STX7: variants seen among roughly 807,000 people sequenced by gnomAD.
STX7 encodes the protein syntaxin 7.
In STX7, 34 loss-of-function variants were observed where a neutral mutation model predicts 39.6. That is an observed-to-expected ratio of 0.86 (90% confidence interval 0.65 to 1.14). The LOEUF (loss-of-function observed/expected upper bound fraction) is 1.14, where lower values mean the gene tolerates loss of function less well. Ranked by LOEUF, STX7 falls within the 50% of genes most tolerant of loss-of-function variation. STX7 has a pLI of 0.00. For missense variants in STX7, 284 were observed against 310.4 expected, an observed-to-expected ratio of 0.92 and a Z score of 0.64; for synonymous variants, 119 against 99.1, an observed-to-expected ratio of 1.20 and a Z score of -1.19.
At position 132,484,333 on chromosome 6, in the gene STX7, C is replaced by T. The variant is rs372848462; in HGVS notation, c.86-8671G>A. Among the ~76,000 whole-genome samples, 15 of 152,258 alleles carry T rather than the reference C, an allele frequency of 9.9e-5. No homozygotes were observed. In the East Asian group the frequency reaches 2.1e-3, roughly 22 times the overall value. On this transcript the variant is annotated intron_variant, in intron 2 of 9. Transcript: ENST00000367941. ...AGCAATGAAGATCCATTCTGTTCCA[C>T]GTGGGTCTGCTGCCATCTAGTGGAT...
Position 132,460,016 on chromosome 6 carries a change from T to C in STX7, c.*742A>G, listed in dbSNP as rs1247798539. The C allele has an allele frequency of 6.6e-6, 1 of 152,202 alleles. No individual in the cohort carries two copies. The highest frequency in any genetic ancestry group is 2.4e-5 in the African/African-American group (1 of 41,456). 9.4% of individuals were successfully genotyped at this position (152,202 alleles called of 1,614,324 possible). A position where few individuals can be genotyped will look rare whatever the true frequency, so the allele number is the denominator to read the frequency against. On this transcript the variant is annotated 3_prime_UTR_variant, in exon 10 of 10. Transcript: ENST00000367941. ...AAACGCAATAGGTATTGGTATTGGT[T>C]GTTCATACTCTTCTTCCAAATTATG...
chr6:132,504,966 G>A (rs1775660889), intron 1 of STX7, among the ~76,000 whole-genome samples: 1 of 152,230 alleles, frequency 6.6e-6, no homozygotes, highest in South Asian at 2.1e-4. Context: ...AAAAGGAAGG[G>A]AAGGTTCCTG....
intron 2 of STX7, among the ~76,000 whole-genome samples, chr6:132,503,056 T>C (rs1775616206): frequency 6.6e-6 from 1 of 152,208 alleles, no homozygotes; most frequent in Non-Finnish European, 1.5e-5. Context: ...AGTCAGATTT[T>C]ATTTTTAATA....
intron 2 of STX7, among the ~76,000 whole-genome samples, chr6:132,487,704 G>A (rs1191487391): frequency 6.6e-6 from 1 of 152,064 alleles, no homozygotes; most frequent in Non-Finnish European, 1.5e-5. Context: ...ATTCTGTAAT[G>A]TACAGAATAT....
At chr6:132,476,710 T>C (rs1774884846) in intron 2 of STX7, among the ~76,000 whole-genome samples, 1 of 152,086 alleles carries the variant, frequency 6.6e-6, no homozygotes, top group Non-Finnish European at 1.5e-5. Context: ...TTGTGAGGTT[T>C]AGAAAAGATT....
rs76076496 is a variant in STX7, at chr6:132,464,111, A to G, written c.611-36T>C. On this transcript the variant is annotated intron_variant, in intron 8 of 9. Transcript: ENST00000367941. ...AAACACACACACACAAATGTGTTAA[A>G]CATGGATTGATGCTCCAGTAACAAA... is the stretch of plus-strand genomic sequence containing the variant. The G allele has an allele frequency of 5.7e-3, 8,808 of 1,556,800 alleles. 392 individuals carry two copies. The African/African-American group carries it at 0.099, about 18-fold the overall frequency.
intron 1 of STX7, 60 bp from the exon 2 acceptor site, chr6:132,503,648 A>G (rs1775633252): frequency 5.6e-6 from 4 of 717,938 alleles, no homozygotes; most frequent in Non-Finnish European, 9.1e-6. Context: ...CATTTTCCAA[A>G]TTAACAATCT....
chr6:132,445,893 T>C lies in STX7; in HGVS notation c.*14865A>G, dbSNP rs959322409. On this transcript the variant is annotated 3_prime_UTR_variant, in exon 10 of 10. Coordinates refer to ENST00000367941, the MANE Select transcript of STX7 (RefSeq NM_003569.3). ...TTTCATTTCAGTATTCAGAGTTTTA[T>C]AACATTTTGAAAAAGTAAATTTTCT... 1 of 152,210 alleles carries C rather than the reference T, an allele frequency of 6.6e-6. No individual in the cohort carries two copies. Among genetic ancestry groups the C allele is most frequent in the Non-Finnish European group, 1.5e-5 (1 of 68,036 alleles). 9.4% of individuals were successfully genotyped at this position (152,210 alleles called of 1,614,324 possible).
chr6:132,479,730 C>T (rs1774969245), intron 2 of STX7, among the ~76,000 whole-genome samples: 1 of 152,170 alleles, frequency 6.6e-6, no homozygotes, highest in South Asian at 2.1e-4. Context: ...CACCAATTTG[C>T]AGCAATAGCA....
At chr6:132,461,760 A>G in intron 9 of STX7, 2 of 1,424,104 alleles carry the variant, frequency 1.4e-6, no homozygotes, top group South Asian at 1.5e-5. Flanking sequence ...GTCATTGAAA[A>G]CCGAATGGTT....
At position 132,489,374 on chromosome 6, in the gene STX7, G is replaced by C. The variant is rs193264479; in HGVS notation, c.86-13712C>G. 2.0e-5 allele frequency among the ~76,000 whole-genome samples: 3 copies of C among 152,178 alleles called. No homozygotes were observed. The East Asian group carries it at 5.8e-4, about 29-fold the overall frequency. On this transcript the variant is annotated intron_variant, in intron 2 of 9. Transcript: ENST00000367941. Reference sequence around the variant, plus strand: ...ATGTGTAGAGAAAAATGTATCATTAGAAATACCCATGTCTATCTATTTTTC... The same window carrying C: ...ATGTGTAGAGAAAAATGTATCATTACAAATACCCATGTCTATCTATTTTTC...
chr6:132,470,122 AT>A, intron 6 of STX7, 75 bp from the exon 7 acceptor site: 2 of 1,082,334 alleles, frequency 1.8e-6, no homozygotes, highest in Non-Finnish European at 2.6e-6. Context: ...CCTATTTAAG[AT>A]ATATTCATTA....
intron 2 of STX7, among the ~76,000 whole-genome samples, chr6:132,478,861 T>C (rs1335402618): frequency 6.6e-6 from 1 of 152,210 alleles, no homozygotes; most frequent in Non-Finnish European, 1.5e-5. Context: ...CAGCGAGCCT[T>C]CACAGGCTTA....
intron 9 of STX7, 35 bp from the exon 10 acceptor site, chr6:132,460,885 C>A (rs1397640747): frequency 6.3e-7 from 1 of 1,581,734 alleles, no homozygotes; most frequent in Non-Finnish European, 8.6e-7. Context: ...AACAAAAAAA[C>A]ATGTTTACAG....
At chr6:132,463,846 T>C (rs1774486255) in intron 9 of STX7, 147 bp downstream of exon 9, 4 of 744,312 alleles carry the variant, frequency 5.4e-6, no homozygotes, top group Non-Finnish European at 6.8e-6. Flanking sequence ...ACTGGTATTA[T>C]TTAAACAGAC....
rs1285061369 is a variant in STX7 at position 132,482,548 on chromosome 6, A to C, written c.86-6886T>G. The stretch of plus-strand genomic sequence containing the variant: ...TTAGAATGTAGATTTCTTGGTTTTC[A>C]AAAAACTTTTTTCAATGTGCTAAAA... On this transcript the variant is annotated intron_variant, in intron 2 of 9. Transcript: ENST00000367941. 5.3e-5 allele frequency among the ~76,000 whole-genome samples: 8 copies of C among 152,348 alleles called. No individual in the cohort carries two copies. In the East Asian group the frequency reaches 1.5e-3, roughly 29 times the overall value.
intron 1 of STX7, among the ~76,000 whole-genome samples, chr6:132,505,749 A>AAAAC (rs1021361198): frequency 2.7e-5 from 4 of 148,196 alleles, no homozygotes; most frequent in East Asian, 2.0e-4. Flanking sequence ...TAAAAAAAAA[A>AAAAC]AAAAAAAAAA....
At chr6:132,491,080 A>C (rs546845302) in intron 2 of STX7, among the ~76,000 whole-genome samples, 36 of 151,854 alleles carry the variant, frequency 2.4e-4, no homozygotes, top group African/African-American at 8.7e-4. Flanking sequence ...CCTCCACAGG[A>C]ATCTCCTGCC....
At chr6:132,479,654 C>T (rs1323222765) in intron 2 of STX7, among the ~76,000 whole-genome samples, 1 of 152,152 alleles carries the variant, frequency 6.6e-6, no homozygotes, top group Non-Finnish European at 1.5e-5. Context: ...GAACAAAAGC[C>T]ACATATAGAC....
Sources: allele counts gnomAD v4.1 joint callset (sites outside exome capture counted in the v4.1 genomes callset), GRCh38; gene constraint gnomAD v4.1.1; transcripts MANE v1.5; gene names NCBI Gene and HGNC (gene_info 2026-07-23, HGNC 2026-07-21).